Variants in POC1B observed in about 807,000 individuals in gnomAD.
POC1B encodes POC1 centriolar protein homolog B.
In POC1B, 44 loss-of-function variants were observed where a neutral mutation model predicts 60.6. The observed-to-expected ratio is 0.73, with a 90% confidence interval of 0.57 to 0.93. The LOEUF is 0.93. POC1B is among the 40% of genes least tolerant of loss of function. POC1B has a pLI of 0.00. For missense variants in POC1B, 555 were observed against 572.3 expected, an observed-to-expected ratio of 0.97 and a Z score of 0.31; for synonymous variants, 180 against 198.9, an observed-to-expected ratio of 0.90 and a Z score of 0.80.
At position 89,472,149 on chromosome 12, in the gene POC1B, A is replaced by T. The variant is rs778891575; in HGVS notation, c.560+19T>A. On this transcript the variant is annotated intron_variant, in intron 5 of 11. Coordinates refer to ENST00000313546, the MANE Select transcript of POC1B (RefSeq NM_172240.3). ...TTAGAAAACTAACCCACATAAATGC[A>T]CAAAGAAAGTGTACTTACCCAACGG... The T allele has an allele frequency of 1.4e-6, 2 of 1,457,770 alleles. No individual in the cohort carries two copies. Among genetic ancestry groups the T allele is most frequent in the African/African-American group, 2.8e-5 (2 of 70,676 alleles). 90.3% of individuals were successfully genotyped at this position (1,457,770 alleles called of 1,614,324 possible).
chr12:89,414,645 G>T, the POC1B span, among the ~76,000 whole-genome samples: 1 of 152,182 alleles, frequency 6.6e-6, no homozygotes, highest in African/African-American at 2.4e-5. Context: ...GGAAAATGAA[G>T]CATATCAATT....
chr12:89,414,055 C>A, the POC1B span, among the ~76,000 whole-genome samples: 3 of 152,016 alleles, frequency 2.0e-5, no homozygotes, highest in Non-Finnish European at 4.4e-5. Flanking sequence ...TCATGCCCGG[C>A]TAATTTTTTG....
At chr12:89,502,375 A>G in intron 2 of POC1B, 1 of 1,599,356 alleles carries the variant, frequency 6.3e-7, no homozygotes, top group Non-Finnish European at 8.6e-7. Flanking sequence ...AGGACAGCAA[A>G]TAGATTATCA....
At chr12:89,482,833 T>A (rs573347777) in intron 4 of POC1B, among the ~76,000 whole-genome samples, 1 of 152,250 alleles carries the variant, frequency 6.6e-6, no homozygotes, top group African/African-American at 2.4e-5. Flanking sequence ...CCAAATCTCA[T>A]CTTGAATTAT....
At chr12:89,486,734 G>A (rs543822525) in intron 4 of POC1B, among the ~76,000 whole-genome samples, 1 of 152,304 alleles carries the variant, frequency 6.6e-6, no homozygotes, top group Admixed American at 6.5e-5. Flanking sequence ...TAAAACTACA[G>A]CAGCTGCGTT....
the POC1B span, among the ~76,000 whole-genome samples, chr12:89,412,510 C>G: frequency 6.6e-6 from 1 of 151,678 alleles, no homozygotes; most frequent in Non-Finnish European, 1.5e-5. Flanking sequence ...AAAACCTCGT[C>G]TCTACTAAAA....
At chr12:89,511,415 C>CA (rs796324772) in intron 2 of POC1B, among the ~76,000 whole-genome samples, 7,607 of 104,256 alleles carry the variant, frequency 0.073, 535 homozygotes, top group African/African-American at 0.22. Context: ...GACTCTGTCT[C>CA]AAAAAAAAAA....
chr12:89,478,619 C>A (rs112639250), intron 4 of POC1B, among the ~76,000 whole-genome samples: 1 of 152,000 alleles, frequency 6.6e-6, no homozygotes, highest in Non-Finnish European at 1.5e-5. Flanking sequence ...TTATATATAG[C>A]CAATGTAAGC....
rs1882911664 is a variant in POC1B, at chr12:89,471,802, T to C, written c.561-73A>G. On this transcript the variant is annotated intron_variant, in intron 5 of 11. Coordinates refer to ENST00000313546, the MANE Select transcript of POC1B (RefSeq NM_172240.3). Reference sequence around the variant, plus strand: ...TTTTTTTTGAGACGGAATCTCACTCTTGTCACCCAGGCTGGAGTGCAGTGG... The same window carrying C: ...TTTTTTTTGAGACGGAATCTCACTCCTGTCACCCAGGCTGGAGTGCAGTGG... 4 of 935,550 alleles carry C rather than the reference T, an allele frequency of 4.3e-6. No individual in the cohort carries two copies. The South Asian group carries it at 6.8e-5, about 16-fold the overall frequency. The allele number at this position is 935,550 out of a possible 1,614,324, so 58.0% of individuals were successfully genotyped here. A position where few individuals can be genotyped will look rare whatever the true frequency, so the allele number is the denominator to read the frequency against.
At chr12:89,438,117 C>G (rs909459725) in intron 10 of POC1B, among the ~76,000 whole-genome samples, 1 of 151,798 alleles carries the variant, frequency 6.6e-6, no homozygotes, top group African/African-American at 2.4e-5. Flanking sequence ...CCTCTACTCA[C>G]TTTTCTACTC....
In POC1B at chr12:89,430,611, C is replaced by T. The variant is rs1011405358; in HGVS notation, c.1114-5232G>A. ...TTCTACCACCACCCTTTCCACCACC[C>T]ACCCTCTGGGCTGGCGAGTCAGAAT... is the stretch of plus-strand genomic sequence containing the variant. On this transcript the variant is annotated intron_variant, in intron 10 of 11. Transcript: ENST00000313546. Among the ~76,000 whole-genome samples the T allele has an allele frequency of 4.6e-5, 7 of 152,188 alleles. No individual in the cohort carries two copies. The East Asian group carries it at 5.8e-4, about 13-fold the overall frequency.
intron 10 of POC1B, among the ~76,000 whole-genome samples, chr12:89,450,334 A>G (rs574743652): frequency 2.8e-4 from 43 of 152,070 alleles, no homozygotes; most frequent in Non-Finnish European, 5.1e-4. Flanking sequence ...TAGTTTCTCA[A>G]GTAGCTGGGA....
intron 2 of POC1B, chr12:89,502,340 G>C (rs1217684935): frequency 6.2e-7 from 1 of 1,611,872 alleles, no homozygotes; most frequent in Non-Finnish European, 8.5e-7. Flanking sequence ...AAGAGAACAC[G>C]TTTGAAACCT....
intron 9 of POC1B, among the ~76,000 whole-genome samples, chr12:89,465,994 G>A (rs1219711433): frequency 6.6e-6 from 1 of 152,200 alleles, no homozygotes; most frequent in Non-Finnish European, 1.5e-5. Context: ...AGTGAATGCG[G>A]CTACCGTGCA....
At chr12:89,412,194 G>A in the POC1B span, among the ~76,000 whole-genome samples, 5 of 152,172 alleles carry the variant, frequency 3.3e-5, no homozygotes, top group African/African-American at 7.2e-5. Context: ...TCCGTATCTG[G>A]CATCGAGCTT....
chr12:89,406,149 CT>C, the POC1B span, among the ~76,000 whole-genome samples: 1 of 152,030 alleles, frequency 6.6e-6, no homozygotes, highest in Non-Finnish European at 1.5e-5. Context: ...CATGGCCAAG[CT>C]GAGTTGCAAA....
intron 2 of POC1B, among the ~76,000 whole-genome samples, chr12:89,503,116 CCCACGG>C (rs1592633163): frequency 9.7e-6 from 1 of 103,368 alleles, no homozygotes; most frequent in African/African-American, 3.3e-5. Flanking sequence ...TCCCTCTCTC[CCCACGG>C]TCTCCCTCTC....
At chr12:89,436,012 T>G (rs958098989) in intron 10 of POC1B, among the ~76,000 whole-genome samples, 1 of 151,646 alleles carries the variant, frequency 6.6e-6, no homozygotes, top group African/African-American at 2.4e-5. Context: ...TGGCACGATC[T>G]CGACTCACCA....
At chr12:89,477,105 A>G (rs1278427023) in intron 4 of POC1B, among the ~76,000 whole-genome samples, 1 of 152,178 alleles carries the variant, frequency 6.6e-6, no homozygotes, top group Non-Finnish European at 1.5e-5. Flanking sequence ...TGTATAATGA[A>G]GGAGTCTGGA....
Sources: gnomAD v4.1 joint callset for allele counts (sites outside exome capture counted in the v4.1 genomes callset) on GRCh38, gnomAD v4.1.1 for gene constraint, MANE v1.5 for transcripts, NCBI Gene and HGNC (gene_info 2026-07-23, HGNC 2026-07-21) for gene names.